DLGAP2: variants seen among roughly 807,000 people sequenced by gnomAD.
The protein encoded by DLGAP2 is disks large-associated protein 2.
A neutral mutation model predicts 100.3 loss-of-function variants in DLGAP2; 26 were observed. That is an observed-to-expected ratio of 0.26 (90% CI 0.19 to 0.36). The LOEUF (loss-of-function observed/expected upper bound fraction) is 0.36. Among genes scored for constraint, DLGAP2 ranks in the 10% least tolerant of loss-of-function variants. The pLI is 1.00. For synonymous variants in DLGAP2, 886 were observed against 630.1 expected, an observed-to-expected ratio of 1.41 and a Z score of -6.08; for missense variants, 1,858 against 1,453.2, an observed-to-expected ratio of 1.28 and a Z score of -4.53.
chr8:1,171,992 AT>A (rs1797138922), intron 2 of DLGAP2, among the ~76,000 whole-genome samples: 1 of 151,974 alleles, frequency 6.6e-6, no homozygotes, highest in African/African-American at 2.4e-5. Flanking sequence ...TGGTCTTTAC[AT>A]TTTGGCATGA....
chr8:1,409,440 G>A (rs1343302365), intron 3 of DLGAP2, among the ~76,000 whole-genome samples: 2 of 152,196 alleles, frequency 1.3e-5, no homozygotes, highest in Admixed American at 6.5e-5. Flanking sequence ...AGAACCAACC[G>A]GAAGAAATGG....
At chr8:1,019,556 T>A (rs1801568504) in intron 2 of DLGAP2, 1 of 152,158 alleles carries the variant, frequency 6.6e-6, no homozygotes, top group Non-Finnish European at 1.5e-5. Flanking sequence ...TGTCGTCATC[T>A]GGTGGTGGAA....
intron 6 of DLGAP2, among the ~76,000 whole-genome samples, chr8:1,571,851 G>C (rs1242456685): frequency 8.6e-6 from 1 of 116,538 alleles, no homozygotes; most frequent in South Asian, 3.4e-4. Flanking sequence ...GGGGGCGTCT[G>C]CTGGGATGGA....
At chr8:1,181,634 C>T (rs747192370) in intron 2 of DLGAP2, among the ~76,000 whole-genome samples, 9 of 152,068 alleles carry the variant, frequency 5.9e-5, no homozygotes, top group African/African-American at 9.7e-5. Context: ...TAAGCCCCCA[C>T]GACCCAAGTT....
At chr8:1,636,978 C>T (rs1247454990) in intron 8 of DLGAP2, among the ~76,000 whole-genome samples, 1 of 152,232 alleles carries the variant, frequency 6.6e-6, no homozygotes, top group Non-Finnish European at 1.5e-5. Context: ...ACTTGGTAAA[C>T]CCGGCCGATG....
At chr8:1,569,090 C>T (rs2956922) in intron 6 of DLGAP2, among the ~76,000 whole-genome samples, 59,550 of 136,484 alleles carry the variant, frequency 0.44, 11,823 homozygotes, top group South Asian at 0.55. Flanking sequence ...CGTCTCTGCC[C>T]GTGGCCCCCA....
In DLGAP2 at chr8:1,538,949, G is replaced by T. The variant is rs527642821; in HGVS notation, c.173-9677G>T. Among the ~76,000 whole-genome samples the T allele has an allele frequency of 4.1e-4, 61 of 147,582 alleles. 2 individuals carry two copies. In the South Asian group the frequency reaches 0.012, roughly 30 times the overall value. Reference sequence around the variant, plus strand: ...TGCCTAGGCTGGAATGCAATGGTGCGATCTCCACTCACTGCAACCTCCACC... The same window carrying T: ...TGCCTAGGCTGGAATGCAATGGTGCTATCTCCACTCACTGCAACCTCCACC... On this transcript the variant is annotated intron_variant, in intron 4 of 14. Transcript: ENST00000637795.
At chr8:1,480,620 C>T (rs1009379370) in intron 3 of DLGAP2, among the ~76,000 whole-genome samples, 7 of 151,308 alleles carry the variant, frequency 4.6e-5, no homozygotes, top group South Asian at 4.2e-4. Context: ...GAGGCCGAGG[C>T]GGGCGGATCA....
intron 2 of DLGAP2, among the ~76,000 whole-genome samples, chr8:982,569 A>T (rs1456657610): frequency 6.6e-6 from 1 of 152,226 alleles, no homozygotes; most frequent in South Asian, 2.1e-4. Flanking sequence ...AAGAAGGCCA[A>T]CTTGCTATGG....
intron 3 of DLGAP2, among the ~76,000 whole-genome samples, chr8:1,487,605 A>G (rs539747890): frequency 3.9e-5 from 6 of 152,354 alleles, no homozygotes; most frequent in South Asian, 4.1e-4. Context: ...TCTAACCCAG[A>G]TAACACGAGT....
intron 2 of DLGAP2, among the ~76,000 whole-genome samples, chr8:1,159,409 A>T (rs557935599): frequency 6.6e-6 from 1 of 152,362 alleles, no homozygotes; most frequent in African/African-American, 2.4e-5. Flanking sequence ...TCAAAAATGC[A>T]TCTCAGAGCC....
intron 4 of DLGAP2, among the ~76,000 whole-genome samples, chr8:1,512,203 G>T (rs1276249536): frequency 6.6e-6 from 1 of 152,222 alleles, no homozygotes; most frequent in Non-Finnish European, 1.5e-5. Context: ...CCTGTTGCTA[G>T]CAAACAGATG....
chr8:1,006,521 T>C (rs1490487796), intron 2 of DLGAP2, among the ~76,000 whole-genome samples: 1 of 98,390 alleles, frequency 1.0e-5, no homozygotes, highest in Non-Finnish European at 2.0e-5. Flanking sequence ...TGTGGTCCTT[T>C]ATCATGTCAG....
chr8:871,415 C>T (rs1273387247), intron 1 of DLGAP2, among the ~76,000 whole-genome samples: 1 of 152,214 alleles, frequency 6.6e-6, no homozygotes, highest in African/African-American at 2.4e-5. Flanking sequence ...ACAGGGTGAT[C>T]CTGCTTCTGA....
At chr8:926,778 G>C (rs1057293491) in intron 2 of DLGAP2, among the ~76,000 whole-genome samples, 2 of 152,376 alleles carry the variant, frequency 1.3e-5, no homozygotes, top group Admixed American at 6.5e-5. Flanking sequence ...GGCACACAGA[G>C]CTGGCCGCAC....
At chr8:1,455,691 T>C (rs2130129924) in intron 3 of DLGAP2, among the ~76,000 whole-genome samples, 1 of 152,204 alleles carries the variant, frequency 6.6e-6, no homozygotes, top group African/African-American at 2.4e-5. Flanking sequence ...TAATTAAGCG[T>C]CACATCCACG....
chr8:878,300 T>C (rs1797722288), intron 1 of DLGAP2, among the ~76,000 whole-genome samples: 1 of 152,152 alleles, frequency 6.6e-6, no homozygotes, highest in African/African-American at 2.4e-5. Context: ...AGTGTTTAGT[T>C]TGAGATCCAT....
intron 2 of DLGAP2, among the ~76,000 whole-genome samples, chr8:1,185,413 C>T (rs1192611010): frequency 6.6e-6 from 1 of 151,970 alleles, no homozygotes; most frequent in Admixed American, 6.6e-5. Flanking sequence ...CCCCTAAGGC[C>T]GGTCAGCTTT....
intron 4 of DLGAP2, among the ~76,000 whole-genome samples, chr8:1,513,117 C>A (rs1452832776): frequency 6.6e-6 from 1 of 151,436 alleles, no homozygotes; most frequent in Non-Finnish European, 1.5e-5. Flanking sequence ...AGGCCACAGG[C>A]CAGCTCCAGG....
Sources: allele counts gnomAD v4.1 joint callset (sites outside exome capture counted in the v4.1 genomes callset), GRCh38; gene constraint gnomAD v4.1.1; transcripts MANE v1.5; gene names NCBI Gene and HGNC (gene_info 2026-07-23, HGNC 2026-07-21).